RBMS1: variants seen among roughly 807,000 people sequenced by gnomAD.
The protein encoded by RBMS1 is RNA binding motif single stranded interacting protein 1, also known as RNA-binding motif, single-stranded-interacting protein 1.
Under a neutral mutation model 62.3 loss-of-function variants are expected in RBMS1, and 17 were observed. The ratio of observed to expected loss-of-function variants is 0.27; its 90% confidence interval spans 0.19 to 0.41. The LOEUF (loss-of-function observed/expected upper bound fraction) is 0.41, where lower values mean the gene tolerates loss of function less well. Among genes scored for constraint, RBMS1 ranks in the 10% least tolerant of loss-of-function variants. The probability of loss-of-function intolerance (pLI) is 1.00; values close to 1 mark genes in which losing one functional copy is unlikely to be tolerated. For synonymous variants in RBMS1, 172 were observed against 170.0 expected, an observed-to-expected ratio of 1.01 and a Z score of -0.09; for missense variants, 334 against 504.5, an observed-to-expected ratio of 0.66 and a Z score of 3.24.
At chr2:160,454,670 T>G (rs1268367759) in intron 1 of RBMS1, among the ~76,000 whole-genome samples, 6 of 151,844 alleles carry the variant, frequency 4.0e-5, no homozygotes, top group Non-Finnish European at 7.4e-5. Flanking sequence ...AGAAGAGGAG[T>G]GGCGAGCCAA....
chr2:160,327,234 C>T (rs1429874659), intron 2 of RBMS1, among the ~76,000 whole-genome samples: 1 of 152,190 alleles, frequency 6.6e-6, no homozygotes, highest in East Asian at 1.9e-4. Flanking sequence ...GTCATCTCTA[C>T]CCAGATTTTG....
At chr2:160,351,311 G>A (rs1573912897) in intron 2 of RBMS1, among the ~76,000 whole-genome samples, 1 of 151,450 alleles carries the variant, frequency 6.6e-6, no homozygotes, top group African/African-American at 2.4e-5. Flanking sequence ...ATGTACCCTA[G>A]AACTTAAAGT....
intron 1 of RBMS1, among the ~76,000 whole-genome samples, chr2:160,426,304 AGG>A (rs1682610313): frequency 2.9e-5 from 2 of 67,908 alleles, no homozygotes; most frequent in Admixed American, 1.2e-4. Context: ...GAAAGAAGGA[AGG>A]AAGGAAGGAA....
chr2:160,369,789 T>G (rs1031379785), intron 1 of RBMS1, among the ~76,000 whole-genome samples: 7 of 152,328 alleles, frequency 4.6e-5, no homozygotes, highest in African/African-American at 1.4e-4. Flanking sequence ...CTGCATTCAC[T>G]TGAACCTTTG....
rs1684363995 is a variant in RBMS1, at chr2:160,459,093, G to A, written c.75+34196C>T. Among the ~76,000 whole-genome samples the A allele has an allele frequency of 2.6e-5, 4 of 152,170 alleles. No individual in the cohort carries two copies. In the South Asian group the frequency reaches 8.3e-4, roughly 32 times the overall value. On this transcript the variant is annotated intron_variant, in intron 1 of 13. Coordinates refer to ENST00000348849, the MANE Select transcript of RBMS1 (RefSeq NM_016836.4). Reference sequence around the variant, plus strand: ...ATACAGTCTAATCATTTTTTGTGATGCAATTGTTTTGAGATTGTTTGGGTT... The same window carrying A: ...ATACAGTCTAATCATTTTTTGTGATACAATTGTTTTGAGATTGTTTGGGTT...
chr2:160,493,444 C>CCGGCGGCGG lies in RBMS1; in HGVS notation c.-90_-82dup, dbSNP rs1169274651. On this transcript the variant is annotated 5_prime_UTR_variant, in exon 1 of 14. Transcript: ENST00000348849. Reference sequence around the variant, plus strand: ...CTCGGGCTCTCCTGCCTCTCCCTTTCCGGCGGCGGCGGCAGCGGCGGCGGC... The same window carrying CCGGCGGCGG: ...CTCGGGCTCTCCTGCCTCTCCCTTTCCGGCGGCGGCGGCGGCGGCGGCAGCGGCGGCGGC... The CCGGCGGCGG allele has an allele frequency of 2.1e-6, 3 of 1,410,348 alleles. No individual in the cohort carries two copies. Among genetic ancestry groups the CCGGCGGCGG allele is most frequent in the Admixed American group, 1.8e-5 (1 of 55,688 alleles). The allele number at this position is 1,410,348 out of a possible 1,614,324, so 87.4% of individuals were successfully genotyped here.
chr2:160,443,515 G>A (rs1304775499), intron 1 of RBMS1, among the ~76,000 whole-genome samples: 1 of 151,960 alleles, frequency 6.6e-6, no homozygotes, highest in Non-Finnish European at 1.5e-5. Context: ...CTTGATCTGA[G>A]TTCACACCGA....
intron 2 of RBMS1, among the ~76,000 whole-genome samples, chr2:160,352,595 A>G (rs1692579163): frequency 6.6e-6 from 1 of 152,150 alleles, no homozygotes; most frequent in African/African-American, 2.4e-5. Context: ...ATCTCCTGCT[A>G]TCTCTTTGTA....
intron 10 of RBMS1, among the ~76,000 whole-genome samples, chr2:160,280,780 T>A (rs1033758723): frequency 6.7e-6 from 1 of 150,334 alleles, no homozygotes; most frequent in Admixed American, 6.6e-5. Context: ...GAAAAACACA[T>A]GAAATACACT....
At chr2:160,380,753 AC>A (rs1275040992) in intron 1 of RBMS1, among the ~76,000 whole-genome samples, 1 of 152,184 alleles carries the variant, frequency 6.6e-6, no homozygotes, top group African/African-American at 2.4e-5. Context: ...GAAGGAATAG[AC>A]AAGCTTCCTT....
chr2:160,307,756 A>G (rs1167874219), intron 4 of RBMS1, among the ~76,000 whole-genome samples: 1 of 152,248 alleles, frequency 6.6e-6, no homozygotes, highest in Non-Finnish European at 1.5e-5. Flanking sequence ...TTATTTGATC[A>G]TCAACAAAAC....
chr2:160,293,572 T>C lies in RBMS1; in HGVS notation c.641-6488A>G, dbSNP rs541955400. 1.2e-3 allele frequency among the ~76,000 whole-genome samples: 180 copies of C among 152,298 alleles called. 1 individual carries two copies. Among genetic ancestry groups the C allele is most frequent in the African/African-American group, 4.1e-3 (172 of 41,572 alleles). ...CCTGCCCTTAGCACACAGGGACTTATTCACACTCCATTAATGTCATGGAGA... is the reference window on the plus strand; with the variant it reads ...CCTGCCCTTAGCACACAGGGACTTACTCACACTCCATTAATGTCATGGAGA... On this transcript the variant is annotated intron_variant, in intron 6 of 13. Coordinates refer to ENST00000348849, the MANE Select transcript of RBMS1 (RefSeq NM_016836.4).
At chr2:160,384,391 A>G (rs1694459716) in intron 1 of RBMS1, among the ~76,000 whole-genome samples, 1 of 152,224 alleles carries the variant, frequency 6.6e-6, no homozygotes, top group African/African-American at 2.4e-5. Context: ...CTGCTACAAC[A>G]TAGAACAAGT....
chr2:160,410,763 G>T (rs1468325655), intron 1 of RBMS1, among the ~76,000 whole-genome samples: 1 of 150,962 alleles, frequency 6.6e-6, no homozygotes. Flanking sequence ...TTTTTTTTTT[G>T]AGACGAAGTC....
chr2:160,490,843 G>C lies in RBMS1; in HGVS notation c.75+2446C>G, dbSNP rs73008349. 4.7e-3 allele frequency among the ~76,000 whole-genome samples: 717 copies of C among 152,188 alleles called. 8 individuals are homozygous for C. Among genetic ancestry groups the C allele is most frequent in the African/African-American group, 0.017 (689 of 41,530 alleles). On this transcript the variant is annotated intron_variant, in intron 1 of 13. Coordinates refer to ENST00000348849, the MANE Select transcript of RBMS1 (RefSeq NM_016836.4). ...ATGCCATTCTTCAGTTTTTGATATA[G>C]CTTCCAAACAGAAGTTTCAAAATGA...
chr2:160,471,691 GTATATATATATATATATA>G (rs368982549), intron 1 of RBMS1, among the ~76,000 whole-genome samples: 1 of 65,950 alleles, frequency 1.5e-5, no homozygotes, highest in African/African-American at 4.9e-5. Context: ...ATCCTTTGGT[GTATATATATATATATATA>G]TATATATAAC....
intron 1 of RBMS1, among the ~76,000 whole-genome samples, chr2:160,438,711 T>TC (rs1265511728): frequency 6.6e-6 from 1 of 151,960 alleles, no homozygotes; most frequent in Non-Finnish European, 1.5e-5. Flanking sequence ...TCCCCACCTT[T>TC]CCCCCCTTTC....
At chr2:160,454,730 T>G (rs918223525) in intron 1 of RBMS1, among the ~76,000 whole-genome samples, 1 of 152,130 alleles carries the variant, frequency 6.6e-6, no homozygotes, top group Admixed American at 6.5e-5. Flanking sequence ...TGCACTTTCT[T>G]GTAAAGGCAC....
At chr2:160,407,742 G>C in intron 1 of RBMS1, 1 of 981,294 alleles carries the variant, frequency 1.0e-6, no homozygotes, top group Non-Finnish European at 1.2e-6. Context: ...CTAAAAGTAC[G>C]GCGCGGCAGC....
Sources: gnomAD v4.1 joint callset for allele counts (sites outside exome capture counted in the v4.1 genomes callset) on GRCh38, gnomAD v4.1.1 for gene constraint, MANE v1.5 for transcripts, NCBI Gene and HGNC (gene_info 2026-07-23, HGNC 2026-07-21) for gene names.